The following EPB41L1 variants were observed in gnomAD, a reference collection of about 807,000 sequenced individuals.
EPB41L1 encodes the protein band 4.1-like protein 1.
Under a neutral mutation model 97.8 loss-of-function variants are expected in EPB41L1, and 29 were observed. The observed-to-expected ratio is 0.30, with a 90% CI of 0.22 to 0.40. The LOEUF is 0.40. Ranked by LOEUF, EPB41L1 falls within the 10% of genes least tolerant of loss-of-function variation. EPB41L1 has a pLI of 1.00. For missense variants in EPB41L1, 812 were observed against 1,162.3 expected (o/e 0.70, Z 4.38); for synonymous variants, 383 against 459.2 (o/e 0.83, Z 2.12).
chr20:36,133,747 C>A (rs2059310053), intron 2 of EPB41L1, among the ~76,000 whole-genome samples: 1 of 151,840 alleles, frequency 6.6e-6, no homozygotes, highest in Admixed American at 6.6e-5. Context: ...GTCCCAACTA[C>A]TCAGGAGGCT....
At position 36,140,201 on chromosome 20, in the gene EPB41L1, C is replaced by T. The variant is rs373800660; in HGVS notation, c.-10+27721C>T. ...TCCTGAGTAGCAGGGACTACAGGTG[C>T]GCGCCACCACACCTGGCTACTTTTT... On this transcript the variant is annotated intron_variant, in intron 2 of 19. Coordinates refer to the EPB41L1 transcript ENST00000202028. Among the ~76,000 whole-genome samples, 31 of 150,012 alleles carry T rather than the reference C, an allele frequency of 2.1e-4. 1 individual carries two copies. The highest frequency in any genetic ancestry group is 1.1e-3 in the South Asian group (5 of 4,704).
intron 5 of EPB41L1, among the ~76,000 whole-genome samples, chr20:36,181,519 T>G (rs1288912430): frequency 6.6e-6 from 1 of 152,230 alleles, no homozygotes; most frequent in Non-Finnish European, 1.5e-5. Context: ...CTTTTAGGTC[T>G]TGTTTATAAT....
chr20:36,145,747 T>C (rs1236318413), intron 2 of EPB41L1, among the ~76,000 whole-genome samples: 1 of 152,250 alleles, frequency 6.6e-6, no homozygotes, highest in Non-Finnish European at 1.5e-5. Context: ...ACTAACCACA[T>C]GTGGCTATGA....
chr20:36,210,611 CA>C (rs1231753963), intron 15 of EPB41L1, among the ~76,000 whole-genome samples: 1 of 152,242 alleles, frequency 6.6e-6, no homozygotes, highest in East Asian at 1.9e-4. Context: ...ATTCTCTGAG[CA>C]GGTTTTTTTT....
intron 1 of EPB41L1, among the ~76,000 whole-genome samples, chr20:36,102,041 A>AAAACAAAAC (rs2058036413): frequency 2.3e-5 from 2 of 88,044 alleles, no homozygotes; most frequent in Non-Finnish European, 4.0e-5. Context: ...CAAAACAAAA[A>AAAACAAAAC]AAACAAAAAA....
chr20:36,178,789 GCTCATCC>G, intron 5 of EPB41L1, 117 bp downstream of exon 5: 1 of 1,135,018 alleles, frequency 8.8e-7, no homozygotes, highest in Admixed American at 1.7e-5. Context: ...AGGCGTTGTG[GCTCATCC>G]CTGTAATCCC....
In EPB41L1 at chr20:36,170,141, A is replaced by AT. The variant is rs369888878; in HGVS notation, c.-14-3612dup. ...TTGTGAAATAAAGATTTCATCATAG[A>AT]TTTTTTTTTTTAAAGATGTTATTTT... On this transcript the variant is annotated intron_variant, in intron 1 of 21. Transcript: ENST00000338074. Among the ~76,000 whole-genome samples the AT allele has an allele frequency of 3.1e-3, 467 of 149,490 alleles. 2 individuals are homozygous for AT. The highest frequency in any genetic ancestry group is 0.01 in the African/African-American group (428 of 40,886).
chr20:36,223,247 T>C (rs888865036), intron 21 of EPB41L1, among the ~76,000 whole-genome samples: 1 of 152,200 alleles, frequency 6.6e-6, no homozygotes, highest in African/African-American at 2.4e-5. Context: ...TTGGCCAGGC[T>C]GGTATCAAAC....
At chr20:36,210,344 C>G (rs552256060) in intron 15 of EPB41L1, among the ~76,000 whole-genome samples, 105 of 152,166 alleles carry the variant, frequency 6.9e-4, no homozygotes, top group Non-Finnish European at 1.3e-3. Flanking sequence ...CCATCTGGCC[C>G]TGGGGTCTCA....
At chr20:36,166,633 T>A (rs2060748435) in intron 1 of EPB41L1, among the ~76,000 whole-genome samples, 1 of 152,184 alleles carries the variant, frequency 6.6e-6, no homozygotes, top group Admixed American at 6.5e-5. Flanking sequence ...ACACCTGTAA[T>A]CCTAGCACTT....
At chr20:36,175,483 TCTTA>T in intron 2 of EPB41L1, 64 bp from the exon 3 acceptor site, 6 of 1,595,560 alleles carry the variant, frequency 3.8e-6, no homozygotes, top group Non-Finnish European at 5.2e-6. Flanking sequence ...CTATATTGCT[TCTTA>T]CTTATATGAA....
At position 36,092,379 on chromosome 20, in the gene EPB41L1, G is replaced by T. The variant is rs967081856; in HGVS notation, c.-65+767G>T. On this transcript the variant is annotated intron_variant, in intron 1 of 19. Coordinates refer to the EPB41L1 transcript ENST00000202028. The surrounding 1 kb of genome is among the most constrained non-coding windows in gnomAD (Gnocchi z 7.0). The stretch of plus-strand genomic sequence containing the variant: ...GCCCGCCGCAGCTCAGGTTGACGCC[G>T]GGCCCACGTGGGGAAGCCGGCGGCG... 2.0e-5 allele frequency among the ~76,000 whole-genome samples: 3 copies of T among 151,984 alleles called. No homozygotes were observed. Among genetic ancestry groups the T allele is most frequent in the Non-Finnish European group, 4.4e-5 (3 of 67,964 alleles).
In EPB41L1 at chr20:36,123,620, CAG is replaced by C. The variant is rs1324517119; in HGVS notation, c.-10+11141_-10+11142del. On this transcript the variant is annotated intron_variant, in intron 2 of 19. Transcript: ENST00000202028. ...CATACCTGGCTAATTTTTGTAGAGA[CAG>C]GGTTTTGCCATGTTGGCCAGGCTGG... 5.9e-5 allele frequency among the ~76,000 whole-genome samples: 9 copies of C among 152,238 alleles called. No individual in the cohort carries two copies. The East Asian group carries it at 1.7e-3, about 29-fold the overall frequency.
chr20:36,130,910 G>A (rs910445425), intron 2 of EPB41L1, among the ~76,000 whole-genome samples: 4 of 151,434 alleles, frequency 2.6e-5, no homozygotes, highest in Admixed American at 1.3e-4. Context: ...CTGGGTTCAA[G>A]GGATTCTCCT....
chr20:36,211,442 A>G (rs144525949), intron 15 of EPB41L1, among the ~76,000 whole-genome samples: 3 of 152,206 alleles, frequency 2.0e-5, no homozygotes, highest in East Asian at 3.9e-4. Context: ...AGCTTGCCAT[A>G]CCCAAATGGA....
intron 17 of EPB41L1, 76 bp downstream of exon 17, chr20:36,214,516 C>A: frequency 8.1e-7 from 1 of 1,228,962 alleles, no homozygotes; most frequent in Non-Finnish European, 1.2e-6. Flanking sequence ...AAGCTAACAT[C>A]GCCTGGCTGC....
intron 1 of EPB41L1, among the ~76,000 whole-genome samples, chr20:36,094,724 A>G (rs1037473572): frequency 4.6e-5 from 7 of 152,148 alleles, no homozygotes; most frequent in Non-Finnish European, 1.0e-4. Context: ...GGCTGGGGAA[A>G]GCTGAGCTTT....
chr20:36,224,649 A>G (rs922264643), intron 21 of EPB41L1, among the ~76,000 whole-genome samples: 4 of 152,244 alleles, frequency 2.6e-5, no homozygotes, highest in African/African-American at 9.6e-5. Context: ...CCGTCTCAAA[A>G]ATAAAATAAA....
chr20:36,224,387 C>T (rs2063981135), intron 21 of EPB41L1, among the ~76,000 whole-genome samples: 1 of 152,172 alleles, frequency 6.6e-6, no homozygotes, highest in Non-Finnish European at 1.5e-5. Flanking sequence ...GTGGCTTATG[C>T]CTGTAATCTC....
Sources: gnomAD v4.1 joint callset for allele counts (sites outside exome capture counted in the v4.1 genomes callset) on GRCh38, gnomAD v4.1.1 for gene constraint, Gnocchi (gnomAD v3.1) non-coding constraint, MANE v1.5 for transcripts, NCBI Gene and HGNC (gene_info 2026-07-23, HGNC 2026-07-21) for gene names.